The following RABGAP1L variants were observed in gnomAD, a reference collection of about 807,000 sequenced individuals.
RABGAP1L encodes the protein rab GTPase-activating protein 1-like.
RABGAP1L carries 63 observed loss-of-function variants against 137.7 expected under a neutral mutation model. That is an observed-to-expected ratio of 0.46 (90% CI 0.37 to 0.56). The LOEUF is 0.56. RABGAP1L is among the 20% of genes least tolerant of loss of function. RABGAP1L has a pLI of 0.00. For synonymous variants in RABGAP1L, 431 were observed against 433.7 expected, an observed-to-expected ratio of 0.99 and a Z score of 0.08; for missense variants, 1,095 against 1,244.0, an observed-to-expected ratio of 0.88 and a Z score of 1.80.
chr1:174,354,432 C>T (rs1161024364), intron 11 of RABGAP1L, among the ~76,000 whole-genome samples: 4 of 152,104 alleles, frequency 2.6e-5, no homozygotes, highest in African/African-American at 9.7e-5. Flanking sequence ...CTTTCTGTAG[C>T]TATTTATGTA....
At chr1:174,461,329 G>T (rs1228435748) in intron 13 of RABGAP1L, among the ~76,000 whole-genome samples, 2 of 152,098 alleles carry the variant, frequency 1.3e-5, no homozygotes, top group Non-Finnish European at 1.5e-5. Flanking sequence ...TGATACTTAG[G>T]ATTTCCCTAA....
chr1:174,964,917 T>C, intron 20 of RABGAP1L: 1 of 1,488,406 alleles, frequency 6.7e-7, no homozygotes, highest in Non-Finnish European at 8.9e-7. Context: ...TTTCATTGGA[T>C]ATTCTTTTTT....
chr1:174,260,080 G>A (rs867987149), intron 7 of RABGAP1L, among the ~76,000 whole-genome samples: 12 of 152,014 alleles, frequency 7.9e-5, no homozygotes, highest in Non-Finnish European at 1.3e-4. Flanking sequence ...TGATCTGCCC[G>A]CCTCAGCCTC....
intron 19 of RABGAP1L, chr1:174,877,690 C>T: frequency 7.3e-7 from 1 of 1,377,364 alleles, no homozygotes; most frequent in Non-Finnish European, 1.0e-6. Flanking sequence ...TGAGGCATAA[C>T]TTGCTGTTGG....
At chr1:174,871,271 T>G (rs902350203) in intron 19 of RABGAP1L, among the ~76,000 whole-genome samples, 2 of 152,076 alleles carry the variant, frequency 1.3e-5, no homozygotes, top group Non-Finnish European at 2.9e-5. Flanking sequence ...GTAGCTGGGA[T>G]TACAGGCATA....
chr1:174,964,738 C>T (rs532861949), intron 20 of RABGAP1L: 20 of 1,222,864 alleles, frequency 1.6e-5, no homozygotes, highest in African/African-American at 3.1e-5. Context: ...ATGAGTCTTC[C>T]TGAGTTGAGA....
intron 13 of RABGAP1L, among the ~76,000 whole-genome samples, chr1:174,416,689 C>A (rs774067488): frequency 3.3e-5 from 5 of 151,990 alleles, no homozygotes; most frequent in Non-Finnish European, 7.4e-5. Flanking sequence ...AAAAATCTAA[C>A]CATTACTGAA....
intron 13 of RABGAP1L, among the ~76,000 whole-genome samples, chr1:174,576,144 G>A (rs1169089852): frequency 6.6e-6 from 1 of 152,102 alleles, no homozygotes; most frequent in African/African-American, 2.4e-5. Context: ...AGCAAAAGCT[G>A]GTTACAAACA....
chr1:174,328,762 T>G (rs375827039), intron 11 of RABGAP1L, among the ~76,000 whole-genome samples: 16 of 152,184 alleles, frequency 1.1e-4, no homozygotes, highest in African/African-American at 3.9e-4. Context: ...AGAGCAAGAC[T>G]CCATCTCTAA....
At chr1:174,828,161 C>T (rs768076618) in intron 19 of RABGAP1L, among the ~76,000 whole-genome samples, 1 of 148,110 alleles carries the variant, frequency 6.8e-6, no homozygotes, top group Non-Finnish European at 1.5e-5. Flanking sequence ...GATTGTCTGA[C>T]ATAGTAGGAT....
At chr1:174,227,955 T>C (rs932727163) in intron 3 of RABGAP1L, among the ~76,000 whole-genome samples, 4 of 152,004 alleles carry the variant, frequency 2.6e-5, no homozygotes, top group African/African-American at 9.7e-5. Flanking sequence ...CAGTTTTCTA[T>C]CATTTTCCTG....
chr1:174,493,426 AAT>A (rs955026865), intron 13 of RABGAP1L, among the ~76,000 whole-genome samples: 15 of 151,958 alleles, frequency 9.9e-5, no homozygotes, highest in Non-Finnish European at 1.9e-4. Flanking sequence ...TGTCCAAAAT[AAT>A]ACTCTCAGTC....
intron 17 of RABGAP1L, among the ~76,000 whole-genome samples, chr1:174,732,437 T>C (rs1342893312): frequency 1.3e-5 from 2 of 152,242 alleles, no homozygotes; most frequent in African/African-American, 2.4e-5. Flanking sequence ...GGACCTATGC[T>C]ACAGAATTCT....
intron 19 of RABGAP1L, chr1:174,945,989 T>G (rs966428297): frequency 4.6e-5 from 7 of 152,126 alleles, no homozygotes; most frequent in Non-Finnish European, 7.4e-5. Flanking sequence ...AAATTCCTGA[T>G]TCAACCACCC....
At chr1:174,680,449 G>T (rs1309845727) in intron 14 of RABGAP1L, among the ~76,000 whole-genome samples, 1 of 152,164 alleles carries the variant, frequency 6.6e-6, no homozygotes, top group Non-Finnish European at 1.5e-5. Flanking sequence ...CTTGATCTTG[G>T]ATTTTGTAGC....
chr1:174,597,079 A>G (rs989029011), intron 13 of RABGAP1L, among the ~76,000 whole-genome samples: 22 of 152,228 alleles, frequency 1.4e-4, no homozygotes, highest in African/African-American at 5.3e-4. Context: ...GTTGATCATG[A>G]TGAATGATGT....
intron 14 of RABGAP1L, among the ~76,000 whole-genome samples, chr1:174,640,476 GGTA>G (rs1476955937): frequency 6.6e-6 from 1 of 151,984 alleles, no homozygotes; most frequent in Non-Finnish European, 1.5e-5. Context: ...AAGGCTTAAA[GGTA>G]GTCTAACCAT....
At chr1:174,711,609 C>T (rs1456858305) in intron 17 of RABGAP1L, among the ~76,000 whole-genome samples, 2 of 152,190 alleles carry the variant, frequency 1.3e-5, no homozygotes, top group African/African-American at 2.4e-5. Context: ...CTCGAATTCT[C>T]GCCAGGCCTT....
chr1:174,321,435 C>G (rs1296624343), intron 11 of RABGAP1L, among the ~76,000 whole-genome samples: 2 of 152,096 alleles, frequency 1.3e-5, no homozygotes, highest in Non-Finnish European at 2.9e-5. Context: ...GGTTTTGTGG[C>G]TTGGGGGGCA....
Sources: gnomAD v4.1 joint callset for allele counts (sites outside exome capture counted in the v4.1 genomes callset) on GRCh38, gnomAD v4.1.1 for gene constraint, MANE v1.5 for transcripts, NCBI Gene and HGNC (gene_info 2026-07-23, HGNC 2026-07-21) for gene names.